Variants in XPR1 observed in about 807,000 individuals in gnomAD.
XPR1 encodes solute carrier family 53 member 1.
A neutral mutation model predicts 87.5 loss-of-function variants in XPR1; 28 were observed. That is an observed-to-expected ratio of 0.32 (90% CI 0.24 to 0.44). XPR1 has a LOEUF of 0.44. Among genes scored for constraint, XPR1 ranks in the 20% least tolerant of loss-of-function variants. The pLI, the probability that XPR1 is intolerant of heterozygous loss-of-function variation, is 1.00. For missense variants in XPR1, 559 were observed against 862.3 expected (o/e 0.65, Z 4.41); for synonymous variants, 300 against 306.1 (o/e 0.98, Z 0.21).
At chr1:180,695,251 A>C (rs551320441) in intron 2 of XPR1, among the ~76,000 whole-genome samples, 1 of 152,050 alleles carries the variant, frequency 6.6e-6, no homozygotes, top group East Asian at 1.9e-4. Flanking sequence ...TTGCTTTTTC[A>C]TTATTGAGTT....
chr1:180,834,300 G>A (rs900360880), intron 9 of XPR1, among the ~76,000 whole-genome samples: 17 of 152,140 alleles, frequency 1.1e-4, no homozygotes, highest in African/African-American at 3.1e-4. Flanking sequence ...GGCTGGTCTC[G>A]AACTCCTGAC....
chr1:180,866,583 T>G (rs2102211811), intron 12 of XPR1, among the ~76,000 whole-genome samples: 1 of 152,296 alleles, frequency 6.6e-6, no homozygotes, highest in East Asian at 1.9e-4. Flanking sequence ...CACATGAAAT[T>G]GCAGTTCTTC....
At chr1:180,663,407 TG>T (rs566793641) in intron 1 of XPR1, among the ~76,000 whole-genome samples, 190 of 152,304 alleles carry the variant, frequency 1.2e-3, no homozygotes, top group African/African-American at 4.5e-3. Flanking sequence ...TGTACCACCT[TG>T]GTGGTCTTGG....
chr1:180,692,829 A>G (rs2101959387), intron 2 of XPR1, among the ~76,000 whole-genome samples: 2 of 152,328 alleles, frequency 1.3e-5, no homozygotes, highest in Admixed American at 1.3e-4. Flanking sequence ...TAACAAATAT[A>G]ATTTTTAGTA....
rs138872878 is a variant in XPR1 at position 180,666,976 on chromosome 1, C to T, written c.70-15384C>T. Among the ~76,000 whole-genome samples the T allele has an allele frequency of 2.3e-3, 343 of 151,814 alleles. 2 individuals are homozygous for T. Among genetic ancestry groups the T allele is most frequent in the African/African-American group, 7.4e-3 (306 of 41,378 alleles). ...TGTCACCCAGGCTGGAGTGCAGTGG[C>T]GCAATCTTGGCTTATTGCAACCTCC... On this transcript the variant is annotated intron_variant, in intron 1 of 14. Transcript: ENST00000367590.
Position 180,836,563 on chromosome 1 carries a change from A to G in XPR1, c.1348A>G (p.Ile450Val), listed in dbSNP as rs757016872. 2 of 1,614,150 alleles carry G rather than the reference A, an allele frequency of 1.2e-6. No homozygotes were observed. Among genetic ancestry groups the G allele is most frequent in the Non-Finnish European group, 1.7e-6 (2 of 1,180,030 alleles). ...CHKYTYGVRA[I>V]VQCIPAWLRF... is the part of the protein sequence containing the mutation. Reference sequence around the variant, plus strand: ...CAAATATACATATGGTGTGCGGGCCATTGTTCAGTGCATTCCTGCTTGGCT... The same window carrying G: ...CAAATATACATATGGTGTGCGGGCCGTTGTTCAGTGCATTCCTGCTTGGCT... The change falls in exon 11 of 15, where the codon ATT (isoleucine) becomes GTT (valine). Residue 450 changes from isoleucine (I) to valine (V), a missense_variant. Coordinates refer to ENST00000367590, the MANE Select transcript of XPR1 (RefSeq NM_004736.4).
chr1:180,642,753 A>G (rs1571668964), intron 1 of XPR1, among the ~76,000 whole-genome samples: 1 of 152,252 alleles, frequency 6.6e-6, no homozygotes, highest in East Asian at 1.9e-4. Context: ...TCCTGATCAC[A>G]GTATGTACTG....
intron 11 of XPR1, among the ~76,000 whole-genome samples, chr1:180,840,532 T>TTGTG (rs373937004): frequency 0.32 from 35,603 of 109,752 alleles, 6,304 homozygotes; most frequent in Middle Eastern, 0.45. Context: ...GTTAACATAT[T>TTGTG]TGTGTGTGTG....
intron 1 of XPR1, among the ~76,000 whole-genome samples, chr1:180,677,365 T>C (rs1229163769): frequency 1.3e-5 from 2 of 152,182 alleles, no homozygotes; most frequent in Non-Finnish European, 2.9e-5. Context: ...GACTGGAGTT[T>C]ATAAGGATAA....
chr1:180,645,664 T>A (rs1169927963), intron 1 of XPR1, among the ~76,000 whole-genome samples: 3 of 152,250 alleles, frequency 2.0e-5, no homozygotes, highest in East Asian at 1.9e-4. Flanking sequence ...AAGATGTGTG[T>A]GCTCTGCATC....
chr1:180,784,182 T>C (rs1161175459), intron 2 of XPR1, among the ~76,000 whole-genome samples: 1 of 152,092 alleles, frequency 6.6e-6, no homozygotes, highest in Non-Finnish European at 1.5e-5. Flanking sequence ...CAAATTGTCT[T>C]CCTAAAATTT....
chr1:180,829,231 T>C (rs1400452604), intron 9 of XPR1, among the ~76,000 whole-genome samples: 1 of 152,166 alleles, frequency 6.6e-6, no homozygotes, highest in South Asian at 2.1e-4. Context: ...AAAGAGGATG[T>C]TAACATGTTC....
chr1:180,802,899 C>T (rs1018212862), intron 3 of XPR1, among the ~76,000 whole-genome samples: 3 of 152,182 alleles, frequency 2.0e-5, no homozygotes, highest in African/African-American at 7.2e-5. Context: ...TATATAGACA[C>T]ACATGCATGC....
chr1:180,637,392 T>A (rs1399773850), intron 1 of XPR1, among the ~76,000 whole-genome samples: 1 of 152,114 alleles, frequency 6.6e-6, no homozygotes, highest in African/African-American at 2.4e-5. Flanking sequence ...ATAACAGTAA[T>A]ACCAATAATG....
chr1:180,691,640 T>G (rs1348970949), intron 2 of XPR1, among the ~76,000 whole-genome samples: 4 of 152,186 alleles, frequency 2.6e-5, no homozygotes, highest in Non-Finnish European at 5.9e-5. Flanking sequence ...CAGGTTTTGT[T>G]AGAAATTTTG....
chr1:180,703,735 G>T (rs1341375987), intron 2 of XPR1, among the ~76,000 whole-genome samples: 1 of 152,104 alleles, frequency 6.6e-6, no homozygotes, highest in Non-Finnish European at 1.5e-5. Context: ...TTGATTAGTA[G>T]GTCTCTTAAT....
intron 2 of XPR1, among the ~76,000 whole-genome samples, chr1:180,749,381 T>C (rs1347284538): frequency 2.0e-5 from 3 of 152,208 alleles, no homozygotes; most frequent in African/African-American, 7.2e-5. Flanking sequence ...AGTGAAGTTA[T>C]GATATATATC....
chr1:180,656,448 T>TA (rs1557941398), intron 1 of XPR1, among the ~76,000 whole-genome samples: 5 of 25,132 alleles, frequency 2.0e-4, no homozygotes, highest in Admixed American at 6.8e-4. Context: ...TATATAAATA[T>TA]TTATATATTT....
chr1:180,875,706 T>C (rs968848753), intron 13 of XPR1, among the ~76,000 whole-genome samples: 4 of 151,574 alleles, frequency 2.6e-5, no homozygotes, highest in African/African-American at 9.7e-5. Flanking sequence ...TAGAAGTAAA[T>C]ATAAAGAACG....
Sources: allele counts gnomAD v4.1 joint callset (sites outside exome capture counted in the v4.1 genomes callset), GRCh38; gene constraint gnomAD v4.1.1; transcripts MANE v1.5; gene names NCBI Gene and HGNC (gene_info 2026-07-23, HGNC 2026-07-21).